The following CHD7 variants were observed in gnomAD, a reference collection of about 807,000 sequenced individuals.
CHD7 encodes the protein chromodomain helicase DNA binding protein 7.
A neutral mutation model predicts 307.3 loss-of-function variants in CHD7; 24 were observed. That is an observed-to-expected ratio of 0.08 (90% CI 0.06 to 0.11). CHD7 has a LOEUF of 0.11. CHD7 is among the 10% of genes least tolerant of loss of function. CHD7 has a pLI of 1.00. For missense variants in CHD7, 3,106 were observed against 3,727.1 expected (o/e 0.83, Z 4.34); for synonymous variants, 1,363 against 1,349.9 (o/e 1.01, Z -0.21).
intron 6 of CHD7, among the ~76,000 whole-genome samples, chr8:60,806,319 C>T (rs562196920): frequency 3.3e-5 from 5 of 152,004 alleles, no homozygotes; most frequent in South Asian, 2.1e-4. Flanking sequence ...GCCGAGATTG[C>T]GCCACTGCAC....
chr8:60,695,519 C>G (rs1467916892), intron 1 of CHD7, among the ~76,000 whole-genome samples: 1 of 152,164 alleles, frequency 6.6e-6, no homozygotes, highest in African/African-American at 2.4e-5. Context: ...GCATACTTGA[C>G]CTTTCTTTTG....
At chr8:60,752,141 A>T (rs1180015035) in intron 2 of CHD7, among the ~76,000 whole-genome samples, 2 of 152,208 alleles carry the variant, frequency 1.3e-5, no homozygotes, top group Non-Finnish European at 2.9e-5. Context: ...CTAGACGTTA[A>T]CCTTAACTAT....
intron 34 of CHD7, among the ~76,000 whole-genome samples, chr8:60,858,188 G>A (rs148259849): frequency 3.4e-4 from 52 of 152,322 alleles, no homozygotes; most frequent in African/African-American, 1.0e-3. Flanking sequence ...CCCAGGAGGC[G>A]GAGGTTGCAG....
chr8:60,818,970 G>T (rs1803887338), intron 8 of CHD7, among the ~76,000 whole-genome samples: 1 of 151,926 alleles, frequency 6.6e-6, no homozygotes, highest in Non-Finnish European at 1.5e-5. Flanking sequence ...CTCTTTTTTT[G>T]AGACGGAGTG....
rs529966390 is a variant in CHD7, at chr8:60,779,684, T to C, written c.1666-1316T>C. On this transcript the variant is annotated intron_variant, in intron 2 of 37. Transcript: ENST00000423902. ...TTCCTCCTTTTCTCGTAGTAAGCCT[T>C]GGCGTGTACAGTAGTCACGAGGCTC... is the stretch of plus-strand genomic sequence containing the variant. 3.9e-5 allele frequency among the ~76,000 whole-genome samples: 6 copies of C among 152,334 alleles called. No homozygotes were observed. The South Asian group carries it at 1.2e-3, about 32-fold the overall frequency.
At chr8:60,854,614 G>A (rs1429592156) in intron 32 of CHD7, 91 bp downstream of exon 32, 1 of 1,228,350 alleles carries the variant, frequency 8.1e-7, no homozygotes, top group African/African-American at 1.5e-5. Context: ...GTAATTTTAA[G>A]GTAAACTTTT....
chr8:60,739,387 A>G (rs1368569364), intron 1 of CHD7, among the ~76,000 whole-genome samples: 1 of 152,250 alleles, frequency 6.6e-6, no homozygotes, highest in East Asian at 1.9e-4. Context: ...CTGACTGCTT[A>G]GCCTTCTTAG....
chr8:60,708,500 T>C (rs186253823), intron 1 of CHD7, among the ~76,000 whole-genome samples: 44 of 152,286 alleles, frequency 2.9e-4, no homozygotes, highest in African/African-American at 9.6e-4. Context: ...GACAACCAGC[T>C]TTGCATTTAA....
chr8:60,808,164 A>G, intron 6 of CHD7, 53 bp from the exon 7 acceptor site: 1 of 1,237,602 alleles, frequency 8.1e-7, no homozygotes, highest in Non-Finnish European at 1.2e-6. Context: ...TTACTTTTAA[A>G]ATATTCTAGT....
Position 60,741,333 on chromosome 8 carries a change from T to G in CHD7, c.-100T>G. ...GAAATATGGAATGACATGAAGAAGATTAGTTAAGGATTATAGGCTTTGAGG... is the reference window on the plus strand; with the variant it reads ...GAAATATGGAATGACATGAAGAAGAGTAGTTAAGGATTATAGGCTTTGAGG... On this transcript the variant is annotated 5_prime_UTR_variant, in exon 2 of 38. Coordinates refer to ENST00000423902, the MANE Select transcript of CHD7 (RefSeq NM_017780.4). 1.3e-6 allele frequency: 1 copy of G among 793,162 alleles called. No individual in the cohort carries two copies. The highest frequency in any genetic ancestry group is 2.0e-6 in the Non-Finnish European group (1 of 496,156). The allele number at this position is 793,162 out of a possible 1,614,324, so 49.1% of individuals were successfully genotyped here. A position where few individuals can be genotyped will look rare whatever the true frequency, so the allele number is the denominator to read the frequency against.
chr8:60,690,285 A>C (rs764030544), intron 1 of CHD7, among the ~76,000 whole-genome samples: 5 of 152,076 alleles, frequency 3.3e-5, no homozygotes, highest in Non-Finnish European at 7.4e-5. Context: ...ACATGTTTAT[A>C]GTTTTTTTCT....
Position 60,848,515 on chromosome 8 carries a change from G to A in CHD7, c.5211G>A (p.Lys1737=). 4 of 1,612,198 alleles carry A rather than the reference G, an allele frequency of 2.5e-6. No individual in the cohort carries two copies. The highest frequency in any genetic ancestry group is 3.4e-6 in the Non-Finnish European group (4 of 1,178,960). Residue 1737 remains lysine (K), a splice_region_variant and synonymous_variant, in exon 24 of 38, where the codon AAG becomes AAA. Transcript: ENST00000423902. ...TTCCCCCCTCTGTCTTCCTCTCCAG[G>A]GTCCTGCTGCGTGTCCGCATGCTGT... is the stretch of plus-strand genomic sequence containing the variant. ...YKKHLKHHCN[K]VLLRVRMLYY...
chr8:60,825,655 A>G (rs1476471623), intron 13 of CHD7, among the ~76,000 whole-genome samples: 1 of 152,242 alleles, frequency 6.6e-6, no homozygotes, highest in Non-Finnish European at 1.5e-5. Flanking sequence ...ATAGTTTTCT[A>G]CTAAGAGACA....
intron 1 of CHD7, among the ~76,000 whole-genome samples, chr8:60,723,595 G>C (rs1198858482): frequency 3.3e-5 from 5 of 152,186 alleles, no homozygotes; most frequent in African/African-American, 1.2e-4. Context: ...ACCTAATATA[G>C]TTGACAATAT....
intron 34 of CHD7, among the ~76,000 whole-genome samples, chr8:60,860,152 A>G (rs1805903534): frequency 6.6e-6 from 1 of 152,248 alleles, no homozygotes; most frequent in South Asian, 2.1e-4. Flanking sequence ...GTGTCCCACT[A>G]CCAACAAAAT....
At chr8:60,782,347 CTTT>C (rs1811291249) in intron 3 of CHD7, among the ~76,000 whole-genome samples, 1 of 152,184 alleles carries the variant, frequency 6.6e-6, no homozygotes. Flanking sequence ...TTGCTGTGAA[CTTT>C]TTGAGATTGC....
At position 60,851,286 on chromosome 8, in the gene CHD7, G is replaced by A; in HGVS notation, c.5632G>A (p.Asp1878Asn). The part of the protein sequence containing the change: ...IDEFANSPSE[D>N]KEESMEIHAT... ...GGAATTTGCAAATTCTCCTTCAGAGGATAAGGAAGAATCCATGGAAATACA... is the reference window on the plus strand; with the variant it reads ...GGAATTTGCAAATTCTCCTTCAGAGAATAAGGAAGAATCCATGGAAATACA... The change falls in exon 28 of 38, where the codon GAT becomes AAT. Residue 1878 changes from aspartate (D) to asparagine (N), a missense_variant. Asp to Asn is a conservative substitution (Grantham distance 23). This residue lies in a region of CHD7 where 1,030 missense variants were observed against 1,165.4 expected (regional missense o/e 0.88). Transcript: ENST00000423902. 1.3e-6 allele frequency: 2 copies of A among 1,558,378 alleles called. No homozygotes were observed. Among genetic ancestry groups the A allele is most frequent in the Non-Finnish European group, 1.7e-6 (2 of 1,150,158 alleles).
At chr8:60,761,656 C>T (rs986351348) in intron 2 of CHD7, among the ~76,000 whole-genome samples, 1 of 151,624 alleles carries the variant, frequency 6.6e-6, no homozygotes, top group Non-Finnish European at 1.5e-5. Context: ...CCAGGCTTCC[C>T]TATATCTCTG....
chr8:60,703,292 A>G (rs1444489013), intron 1 of CHD7, among the ~76,000 whole-genome samples: 2 of 152,214 alleles, frequency 1.3e-5, no homozygotes, highest in Non-Finnish European at 2.9e-5. Context: ...GAAATTTTAT[A>G]CACATTTCAC....
Sources: allele counts gnomAD v4.1 joint callset (sites outside exome capture counted in the v4.1 genomes callset), GRCh38; gene constraint gnomAD v4.1.1; regional missense constraint gnomAD v4.1.1; transcripts MANE v1.5; gene names NCBI Gene and HGNC (gene_info 2026-07-23, HGNC 2026-07-21).